Variants in SOX6 observed in about 807,000 individuals in gnomAD.
SOX6 encodes SRY-box transcription factor 6, also known as transcription factor SOX-6.
SOX6 carries 11 observed loss-of-function variants against 97.8 expected under a neutral mutation model. The ratio of observed to expected loss-of-function variants is 0.11; its 90% confidence interval spans 0.07 to 0.19. The LOEUF is 0.19. Ranked by LOEUF, SOX6 falls within the 10% of genes least tolerant of loss-of-function variation. SOX6 has a pLI of 1.00. For synonymous variants in SOX6, 360 were observed against 371.4 expected, an observed-to-expected ratio of 0.97 and a Z score of 0.35; for missense variants, 810 against 1,039.5, an observed-to-expected ratio of 0.78 and a Z score of 3.04.
At chr11:16,517,725 T>C (rs1860996079) in intron 4 of SOX6, among the ~76,000 whole-genome samples, 2 of 152,134 alleles carry the variant, frequency 1.3e-5, no homozygotes, top group Non-Finnish European at 2.9e-5. Context: ...GTCACTATGA[T>C]GAGATTATTT....
intron 4 of SOX6, among the ~76,000 whole-genome samples, chr11:16,538,744 G>A (rs1247131456): frequency 6.6e-6 from 1 of 152,170 alleles, no homozygotes; most frequent in Non-Finnish European, 1.5e-5. Flanking sequence ...TTACATAATG[G>A]TAAAGGGATC....
chr11:16,598,145 A>G (rs1848232183), intron 4 of SOX6, among the ~76,000 whole-genome samples: 1 of 152,048 alleles, frequency 6.6e-6, no homozygotes, highest in South Asian at 2.1e-4. Flanking sequence ...TTAGTGCTTT[A>G]CATTCGTTTA....
intron 1 of SOX6, among the ~76,000 whole-genome samples, chr11:16,426,758 C>CA (rs1432374101): frequency 2.5e-4 from 38 of 150,878 alleles, no homozygotes; most frequent in African/African-American, 8.5e-4. Context: ...ACTAAAAATA[C>CA]AAAAAATTAG....
At chr11:16,074,525 A>G (rs1474208070) in intron 9 of SOX6, among the ~76,000 whole-genome samples, 1 of 152,194 alleles carries the variant, frequency 6.6e-6, no homozygotes, top group Non-Finnish European at 1.5e-5. Context: ...TATAAAGAAG[A>G]GGTGGCGCCA....
At chr11:16,552,156 A>G (rs4757410) in intron 4 of SOX6, among the ~76,000 whole-genome samples, 26,064 of 152,134 alleles carry the variant, frequency 0.17, 2,775 homozygotes, top group East Asian at 0.32. Context: ...ACATTAACAT[A>G]CACGGCCCCC....
chr11:16,109,656 G>A (rs1017885358), intron 7 of SOX6, among the ~76,000 whole-genome samples: 4 of 152,166 alleles, frequency 2.6e-5, no homozygotes, highest in Admixed American at 6.6e-5. Context: ...TTCTGAGGAT[G>A]TAATTTCTCT....
At position 16,038,227 on chromosome 11, in the gene SOX6, G is replaced by T. The variant is rs1196878840; in HGVS notation, c.1623+8287C>A. 1.3e-5 allele frequency among the ~76,000 whole-genome samples: 2 copies of T among 152,042 alleles called. 1 individual carries two copies. Among genetic ancestry groups the T allele is most frequent in the South Asian group, 4.1e-4 (2 of 4,822 alleles). On this transcript the variant is annotated intron_variant, in intron 12 of 15. Coordinates refer to ENST00000683767, the MANE Select transcript of SOX6 (RefSeq NM_001367873.1). The stretch of plus-strand genomic sequence containing the variant: ...CATCCAGGAATTTTGGGATCTGCAG[G>T]GTAGGGAGGTGGGGTCCTGGACCAA...
chr11:16,399,527 A>T (rs1858488085), intron 1 of SOX6, among the ~76,000 whole-genome samples: 1 of 151,392 alleles, frequency 6.6e-6, no homozygotes, highest in South Asian at 2.1e-4. Context: ...AGCCATATAC[A>T]GTGAAAAAGT....
chr11:16,515,392 T>C (rs1860953856), intron 4 of SOX6, among the ~76,000 whole-genome samples: 1 of 146,138 alleles, frequency 6.8e-6, no homozygotes, highest in African/African-American at 2.5e-5. Flanking sequence ...TTTGATGGGG[T>C]TGTTTGTTTT....
Position 15,986,394 on chromosome 11 carries a change from G to T in SOX6, c.1993C>A (p.Gln665Lys). ...TCTTCATAATAAGGTTGCTTCTCCT[G>T]GTTGGACATTGATTTCCAGCGAGAT... is the stretch of plus-strand genomic sequence containing the variant. The part of the protein sequence containing the change: ...LGSRWKSMSN[Q>K]EKQPYYEEQA... Residue 665 changes from glutamine to lysine, a missense_variant, in exon 15 of 16, where the codon CAG becomes AAG. By Grantham distance (53) the Gln-to-Lys change is moderately conservative. Coordinates refer to ENST00000683767, the MANE Select transcript of SOX6 (RefSeq NM_001367873.1). 6.2e-7 allele frequency: 1 copy of T among 1,613,920 alleles called. No homozygotes were observed. The highest frequency in any genetic ancestry group is 8.5e-7 in the Non-Finnish European group (1 of 1,179,966).
At chr11:16,462,436 T>C (rs1435470812) in intron 1 of SOX6, among the ~76,000 whole-genome samples, 4 of 152,234 alleles carry the variant, frequency 2.6e-5, no homozygotes, top group Non-Finnish European at 5.9e-5. Flanking sequence ...GACAGCTACT[T>C]CCTGTTTGAC....
intron 4 of SOX6, among the ~76,000 whole-genome samples, chr11:16,229,668 T>C (rs1452346176): frequency 6.6e-6 from 1 of 151,962 alleles, no homozygotes; most frequent in Non-Finnish European, 1.5e-5. Flanking sequence ...TCATGAGATA[T>C]ACAATTCTGT....
chr11:16,472,673 A>AT (rs1860159659), intron 1 of SOX6, among the ~76,000 whole-genome samples: 1 of 152,098 alleles, frequency 6.6e-6, no homozygotes, highest in Non-Finnish European at 1.5e-5. Context: ...ATGAACATCT[A>AT]TTTTTTTAAG....
intron 13 of SOX6, among the ~76,000 whole-genome samples, chr11:15,996,398 G>A (rs1228209594): frequency 6.6e-6 from 1 of 152,164 alleles, no homozygotes; most frequent in Non-Finnish European, 1.5e-5. Context: ...GGAGGCAGAG[G>A]TGGGAGGATC....
At chr11:16,732,062 A>G (rs1848354377) in intron 2 of SOX6, among the ~76,000 whole-genome samples, 1 of 152,236 alleles carries the variant, frequency 6.6e-6, no homozygotes, top group Non-Finnish European at 1.5e-5. Context: ...AAGGAGAACT[A>G]CAAACCACTG....
rs1042597041 is a variant in SOX6, at chr11:16,131,079, G to A, written c.778-19156C>T. Among the ~76,000 whole-genome samples the A allele has an allele frequency of 8.6e-5, 13 of 150,998 alleles. 1 individual carries two copies. Among genetic ancestry groups the A allele is most frequent in the South Asian group, 4.2e-4 (2 of 4,796 alleles). The stretch of plus-strand genomic sequence containing the variant: ...AAACATTTAAAAACAGAACAAAAGC[G>A]TAAACCAGAACAGAAAAAAAAAATG... On this transcript the variant is annotated intron_variant, in intron 6 of 15. Transcript: ENST00000683767.
intron 3 of SOX6, among the ~76,000 whole-genome samples, chr11:16,628,602 G>A (rs1180457027): frequency 3.5e-5 from 5 of 143,342 alleles, no homozygotes; most frequent in Admixed American, 1.4e-4. Flanking sequence ...CAGCCTAGGC[G>A]ACAGCAAGAC....
chr11:16,520,178 C>T (rs953074861), intron 4 of SOX6, among the ~76,000 whole-genome samples: 1 of 152,128 alleles, frequency 6.6e-6, no homozygotes, highest in Non-Finnish European at 1.5e-5. Context: ...GTTTCTTTTG[C>T]TGTATAGAAG....
chr11:16,519,342 C>G (rs1044266381), intron 4 of SOX6, among the ~76,000 whole-genome samples: 4 of 152,096 alleles, frequency 2.6e-5, no homozygotes, highest in Admixed American at 2.6e-4. Context: ...CAACCCTTGC[C>G]TCTCTCCAAC....
Sources: gnomAD v4.1 joint callset for allele counts (sites outside exome capture counted in the v4.1 genomes callset) on GRCh38, gnomAD v4.1.1 for gene constraint, MANE v1.5 for transcripts, NCBI Gene and HGNC (gene_info 2026-07-23, HGNC 2026-07-21) for gene names.